MGMT: variants seen among roughly 807,000 people sequenced by gnomAD.
The protein encoded by MGMT is methylated-DNA--protein-cysteine methyltransferase.
Under a neutral mutation model 15.9 loss-of-function variants are expected in MGMT, and 14 were observed. The observed-to-expected ratio is 0.88, with a 90% CI of 0.58 to 1.37. MGMT has a LOEUF of 1.37. Ranked by LOEUF, MGMT falls within the 40% of genes most tolerant of loss-of-function variation. The probability of loss-of-function intolerance (pLI) is 0.00; values close to 1 mark genes in which losing one functional copy is unlikely to be tolerated. For missense variants in MGMT, 282 were observed against 268.1 expected, an observed-to-expected ratio of 1.05 and a Z score of -0.36; for synonymous variants, 130 against 118.2, an observed-to-expected ratio of 1.10 and a Z score of -0.65.
chr10:129,711,638 G>T (rs1256608253), intron 3 of MGMT, among the ~76,000 whole-genome samples: 1 of 152,148 alleles, frequency 6.6e-6, no homozygotes. Flanking sequence ...TTCTTGGTTT[G>T]GGGTTTTTTG....
At chr10:129,714,162 C>CACGGGCTGGCCCCGTGG (rs1848266224) in intron 3 of MGMT, among the ~76,000 whole-genome samples, 1 of 152,240 alleles carries the variant, frequency 6.6e-6, no homozygotes. Context: ...GCTTTGCCTG[C>CACGGGCTGGCCCCGTGG]ACGGGCTGGC....
intron 1 of MGMT, among the ~76,000 whole-genome samples, chr10:129,496,682 C>A (rs114378367): frequency 6.6e-6 from 1 of 152,158 alleles, no homozygotes; most frequent in East Asian, 1.9e-4. Flanking sequence ...CTAGCTGTCC[C>A]GTGCTCTAGA....
At chr10:129,514,736 G>A (rs1351773209) in intron 1 of MGMT, among the ~76,000 whole-genome samples, 6 of 152,320 alleles carry the variant, frequency 3.9e-5, no homozygotes, top group South Asian at 4.1e-4. Context: ...GCAGGAAGGC[G>A]CCATCTGCGA....
At chr10:129,734,356 C>G (rs930553165) in intron 3 of MGMT, among the ~76,000 whole-genome samples, 26 of 142,290 alleles carry the variant, frequency 1.8e-4, no homozygotes, top group Middle Eastern at 7.2e-3. Context: ...ATTTGGCTCT[C>G]TGTTTGTCTG....
chr10:129,496,284 G>A (rs1845520451), intron 1 of MGMT, among the ~76,000 whole-genome samples: 1 of 152,120 alleles, frequency 6.6e-6, no homozygotes, highest in African/African-American at 2.4e-5. Flanking sequence ...TCCAAAAGCT[G>A]GTCCGATTCT....
intron 2 of MGMT, among the ~76,000 whole-genome samples, chr10:129,591,109 C>T (rs471357): frequency 2.0e-5 from 3 of 151,970 alleles, no homozygotes; most frequent in African/African-American, 4.8e-5. Flanking sequence ...TTCCTGGGGG[C>T]GCAGCGTGGT....
At chr10:129,653,433 T>A (rs897830254) in intron 2 of MGMT, among the ~76,000 whole-genome samples, 1 of 152,226 alleles carries the variant, frequency 6.6e-6, no homozygotes, top group African/African-American at 2.4e-5. Context: ...TTTGAGGTGA[T>A]CCTGTAATTG....
chr10:129,509,104 G>A (rs1469906568), intron 1 of MGMT, among the ~76,000 whole-genome samples: 1 of 152,200 alleles, frequency 6.6e-6, no homozygotes, highest in Non-Finnish European at 1.5e-5. Context: ...AAGAGCCCTT[G>A]CCATCACCTG....
intron 1 of MGMT, among the ~76,000 whole-genome samples, chr10:129,498,143 C>T (rs979599126): frequency 6.6e-6 from 1 of 152,348 alleles, no homozygotes; most frequent in South Asian, 2.1e-4. Context: ...ACAGAGGTTA[C>T]GTGTTTTTGG....
chr10:129,678,667 G>T (rs1847813115), intron 2 of MGMT, among the ~76,000 whole-genome samples: 1 of 152,154 alleles, frequency 6.6e-6, no homozygotes, highest in Non-Finnish European at 1.5e-5. Context: ...CAAACCCTCA[G>T]TGCCTGGGGC....
intron 1 of MGMT, among the ~76,000 whole-genome samples, chr10:129,522,041 G>A (rs1426530144): frequency 1.4e-5 from 2 of 142,276 alleles, no homozygotes; most frequent in Non-Finnish European, 1.5e-5. Flanking sequence ...GAACTGAGCT[G>A]CTGGGACTTA....
chr10:129,742,773 A>G (rs1222409822), intron 3 of MGMT, among the ~76,000 whole-genome samples: 1 of 149,342 alleles, frequency 6.7e-6, no homozygotes, highest in Non-Finnish European at 1.5e-5. Flanking sequence ...GGGCCGGGGC[A>G]TTCAGCAGTG....
At chr10:129,646,365 A>G (rs1388675821) in intron 2 of MGMT, among the ~76,000 whole-genome samples, 1 of 152,088 alleles carries the variant, frequency 6.6e-6, no homozygotes, top group African/African-American at 2.4e-5. Context: ...GAGAGCTGAG[A>G]CTTTACTGTC....
chr10:129,652,894 T>C (rs1847478409), intron 2 of MGMT, among the ~76,000 whole-genome samples: 1 of 152,256 alleles, frequency 6.6e-6, no homozygotes, highest in Non-Finnish European at 1.5e-5. Flanking sequence ...GTGTTCCTCC[T>C]GGTAGGATGC....
chr10:129,684,854 G>C (rs776073834), intron 2 of MGMT, among the ~76,000 whole-genome samples: 10 of 152,214 alleles, frequency 6.6e-5, no homozygotes, highest in Admixed American at 2.0e-4. Context: ...TTCTCACCTG[G>C]ATTTGTAAAA....
chr10:129,510,972 T>C (rs904947547), intron 1 of MGMT, among the ~76,000 whole-genome samples: 2 of 147,244 alleles, frequency 1.4e-5, no homozygotes, highest in South Asian at 4.3e-4. Context: ...GTGCTTTCCG[T>C]GATGAGAACC....
intron 2 of MGMT, among the ~76,000 whole-genome samples, chr10:129,540,658 C>A (rs1279281692): frequency 6.6e-6 from 1 of 152,082 alleles, no homozygotes; most frequent in Admixed American, 6.5e-5. Flanking sequence ...TTTTTTGGTA[C>A]TGTCTTTGTC....
chr10:129,766,767 G>A, intron 4 of MGMT, 21 bp from the exon 5 acceptor site: 1 of 1,604,754 alleles, frequency 6.2e-7, no homozygotes, highest in South Asian at 1.1e-5. Flanking sequence ...GACTGACAGT[G>A]GCTGCCCCCC....
intron 2 of MGMT, among the ~76,000 whole-genome samples, chr10:129,557,660 G>T (rs1846229500): frequency 6.6e-6 from 1 of 152,154 alleles, no homozygotes; most frequent in African/African-American, 2.4e-5. Flanking sequence ...GATAATTGGG[G>T]AAGTTGGTTG....
Sources: allele counts gnomAD v4.1 joint callset (sites outside exome capture counted in the v4.1 genomes callset), GRCh38; gene constraint gnomAD v4.1.1; transcripts MANE v1.5; gene names NCBI Gene and HGNC (gene_info 2026-07-23, HGNC 2026-07-21).